PXDNL: variants seen among roughly 807,000 people sequenced by gnomAD.
PXDNL encodes the protein peroxidasin like.
In PXDNL, 145 loss-of-function variants were observed where a neutral mutation model predicts 150.8. That is an observed-to-expected ratio of 0.96 (90% CI 0.84 to 1.10). PXDNL has a LOEUF of 1.10. PXDNL is among the 50% of genes least tolerant of loss of function. The pLI is 0.00. For missense variants in PXDNL, 2,087 were observed against 1,873.9 expected (o/e 1.11, Z -2.10); for synonymous variants, 757 against 725.7 (o/e 1.04, Z -0.69).
At chr8:51,653,520 A>C (rs1235201262) in intron 2 of PXDNL, among the ~76,000 whole-genome samples, 1 of 152,122 alleles carries the variant, frequency 6.6e-6, no homozygotes, top group East Asian at 1.9e-4. Context: ...GCATGTCCAC[A>C]AGCACTCCAG....
chr8:51,793,746 G>C (rs910108370), intron 1 of PXDNL, among the ~76,000 whole-genome samples: 8 of 151,958 alleles, frequency 5.3e-5, no homozygotes, highest in African/African-American at 1.9e-4. Flanking sequence ...AAAATTAGTT[G>C]GGCGTGGTGA....
Position 51,426,635 on chromosome 8 carries a change from T to G in PXDNL, c.1638+11A>C. Reference sequence around the variant, plus strand: ...TTTTTAATATTACTGTACTTTTAGTTGAGATCTTACCTTATTCCAAGTAAT... The same window carrying G: ...TTTTTAATATTACTGTACTTTTAGTGGAGATCTTACCTTATTCCAAGTAAT... On this transcript the variant is annotated intron_variant, in intron 13 of 22. Coordinates refer to ENST00000356297, the MANE Select transcript of PXDNL (RefSeq NM_144651.5). 3.4e-4 allele frequency: 484 copies of G among 1,406,510 alleles called. No individual in the cohort carries two copies. Among genetic ancestry groups the G allele is most frequent in the Non-Finnish European group, 4.5e-4 (447 of 999,028 alleles). 87.1% of individuals were successfully genotyped at this position (1,406,510 alleles called of 1,614,324 possible). A position where few individuals can be genotyped will look rare whatever the true frequency, so the allele number is the denominator to read the frequency against.
At chr8:51,449,499 A>G (rs1809755919) in intron 10 of PXDNL, among the ~76,000 whole-genome samples, 1 of 152,256 alleles carries the variant, frequency 6.6e-6, no homozygotes. Flanking sequence ...TCACATGCAC[A>G]ATAAAATTTG....
At chr8:51,471,932 C>T (rs796768685) in intron 8 of PXDNL, among the ~76,000 whole-genome samples, 2 of 152,024 alleles carry the variant, frequency 1.3e-5, no homozygotes, top group African/African-American at 2.4e-5. Flanking sequence ...GTGTGTGATC[C>T]GCCCACCTCG....
At chr8:51,576,829 C>A (rs926728966) in intron 3 of PXDNL, among the ~76,000 whole-genome samples, 3 of 151,438 alleles carry the variant, frequency 2.0e-5, no homozygotes, top group Non-Finnish European at 4.4e-5. Flanking sequence ...CACTACAAAT[C>A]CTGCAGACAT....
At chr8:51,538,573 C>T (rs1310261068) in intron 4 of PXDNL, among the ~76,000 whole-genome samples, 2 of 152,064 alleles carry the variant, frequency 1.3e-5, no homozygotes, top group African/African-American at 4.8e-5. Flanking sequence ...TGAGACCAGG[C>T]TGGCCAACAT....
At chr8:51,422,627 T>C (rs534216456) in intron 14 of PXDNL, among the ~76,000 whole-genome samples, 1 of 152,312 alleles carries the variant, frequency 6.6e-6, no homozygotes, top group South Asian at 2.1e-4. Context: ...TGCGAAACCA[T>C]ATTTATGAAA....
chr8:51,726,802 A>T (rs1337108138), intron 1 of PXDNL, among the ~76,000 whole-genome samples: 1 of 152,220 alleles, frequency 6.6e-6, no homozygotes, highest in East Asian at 1.9e-4. Context: ...TTTGAAAAAA[A>T]TAACCTACTA....
At chr8:51,641,007 A>G (rs987865710) in intron 2 of PXDNL, among the ~76,000 whole-genome samples, 1 of 152,166 alleles carries the variant, frequency 6.6e-6, no homozygotes, top group Non-Finnish European at 1.5e-5. Context: ...CAAAACAGAG[A>G]TATAGATCAA....
chr8:51,788,641 T>C (rs1011856651), intron 1 of PXDNL, among the ~76,000 whole-genome samples: 1 of 152,206 alleles, frequency 6.6e-6, no homozygotes, highest in African/African-American at 2.4e-5. Context: ...TCAAAAATCC[T>C]GCCCCATAGG....
At position 51,806,393 on chromosome 8, in the gene PXDNL, GT is replaced by G. The variant is rs548647228; in HGVS notation, c.164+2787del. Among the ~76,000 whole-genome samples the G allele has an allele frequency of 4.2e-3, 633 of 152,224 alleles. 5 individuals carry two copies. Among genetic ancestry groups the G allele is most frequent in the African/African-American group, 0.014 (597 of 41,536 alleles). On this transcript the variant is annotated intron_variant, in intron 1 of 22. Coordinates refer to ENST00000356297, the MANE Select transcript of PXDNL (RefSeq NM_144651.5). ...AAGGGCGGTTTAACAAAAACTATTG[GT>G]TCTGCTGCTGGGGAGAAATTCATTC...
rs931298980 is a variant in PXDNL at position 51,436,107 on chromosome 8, T to C, written c.1526-9349A>G. The C allele has an allele frequency of 5.8e-6, 3 of 514,420 alleles. No homozygotes were observed. The African/African-American group carries it at 5.9e-5, about 10-fold the overall frequency. The allele number at this position is 514,420 out of a possible 1,614,324, so 31.9% of individuals were successfully genotyped here. On this transcript the variant is annotated intron_variant, in intron 12 of 22. Coordinates refer to ENST00000356297, the MANE Select transcript of PXDNL (RefSeq NM_144651.5). The stretch of plus-strand genomic sequence containing the variant: ...TGAAAGGTTCTTGCCCCTTTTGTCT[T>C]GACCCAGCTTTTGATGAATTACTAC...
intron 3 of PXDNL, among the ~76,000 whole-genome samples, chr8:51,587,039 G>GC (rs1363238817): frequency 6.6e-6 from 1 of 152,114 alleles, no homozygotes; most frequent in Non-Finnish European, 1.5e-5. Context: ...AATTATCAGT[G>GC]CCCTTAAGTA....
At chr8:51,592,187 C>T (rs1813457935) in intron 3 of PXDNL, among the ~76,000 whole-genome samples, 1 of 152,150 alleles carries the variant, frequency 6.6e-6, no homozygotes, top group Non-Finnish European at 1.5e-5. Flanking sequence ...TTGGTCCTTA[C>T]CCAAGTTTAT....
intron 1 of PXDNL, among the ~76,000 whole-genome samples, chr8:51,667,211 C>G (rs1802895096): frequency 6.6e-6 from 1 of 152,162 alleles, no homozygotes; most frequent in Admixed American, 6.5e-5. Context: ...GGTGTGATAG[C>G]CCCTCCCTTG....
At chr8:51,329,207 G>T (rs1345720337) in intron 21 of PXDNL, among the ~76,000 whole-genome samples, 2 of 152,276 alleles carry the variant, frequency 1.3e-5, no homozygotes, top group Non-Finnish European at 2.9e-5. Context: ...CCCCACACCT[G>T]ACCAGCACAT....
intron 17 of PXDNL, among the ~76,000 whole-genome samples, chr8:51,407,171 G>A (rs1381001107): frequency 6.6e-6 from 1 of 152,120 alleles, no homozygotes; most frequent in East Asian, 1.9e-4. Flanking sequence ...AAAGAAATGT[G>A]CAAATTCAAT....
chr8:51,684,538 T>C (rs747901636), intron 1 of PXDNL, among the ~76,000 whole-genome samples: 6 of 152,220 alleles, frequency 3.9e-5, no homozygotes, highest in Non-Finnish European at 5.9e-5. Flanking sequence ...GCAGAGCCTA[T>C]GGGATGTCAC....
intron 1 of PXDNL, among the ~76,000 whole-genome samples, chr8:51,711,468 G>A (rs9643788): frequency 0.69 from 104,615 of 152,154 alleles, 36,994 homozygotes; most frequent in East Asian, 0.82. Context: ...TCAATGTATT[G>A]TGATTGTTTG....
Sources: gnomAD v4.1 joint callset for allele counts (sites outside exome capture counted in the v4.1 genomes callset) on GRCh38, gnomAD v4.1.1 for gene constraint, MANE v1.5 for transcripts, NCBI Gene and HGNC (gene_info 2026-07-23, HGNC 2026-07-21) for gene names.